The following FBXO28 variants were observed in gnomAD, a reference collection of about 807,000 sequenced individuals.
FBXO28 encodes F-box only protein 28.
In FBXO28, 8 loss-of-function variants were observed where a neutral mutation model predicts 38.1. That is an observed-to-expected ratio of 0.21 (90% confidence interval 0.12 to 0.38). The LOEUF (loss-of-function observed/expected upper bound fraction) is 0.38. Among genes scored for constraint, FBXO28 ranks in the 10% least tolerant of loss-of-function variants. The pLI, the probability that FBXO28 is intolerant of heterozygous loss-of-function variation, is 1.00. For synonymous variants in FBXO28, 168 were observed against 173.8 expected, an observed-to-expected ratio of 0.97 and a Z score of 0.26; for missense variants, 345 against 460.6, an observed-to-expected ratio of 0.75 and a Z score of 2.30.
Position 224,158,229 on chromosome 1 carries a change from G to A in FBXO28, c.*483G>A. 3 of 986,572 alleles carry A rather than the reference G, an allele frequency of 3.0e-6. No individual in the cohort carries two copies. The highest frequency in any genetic ancestry group is 3.6e-6 in the Non-Finnish European group (3 of 830,592). The allele number at this position is 986,572 out of a possible 1,614,324, so 61.1% of individuals were successfully genotyped here. The stretch of plus-strand genomic sequence containing the variant: ...GACCTTTGTCTGGAATGTCTGAAAA[G>A]TAGTTAATGCTTTTTGGTATTGAAG... On this transcript the variant is annotated 3_prime_UTR_variant, in exon 5 of 5. Transcript: ENST00000366862.
intron 1 of FBXO28, among the ~76,000 whole-genome samples, chr1:224,117,278 C>T (rs1656663895): frequency 6.7e-6 from 1 of 148,454 alleles, no homozygotes. Context: ...AGCGATTCTC[C>T]TGTCTCAGCT....
intron 3 of FBXO28, among the ~76,000 whole-genome samples, chr1:224,142,400 A>G (rs1211345080): frequency 1.3e-5 from 2 of 151,912 alleles, no homozygotes; most frequent in African/African-American, 2.4e-5. Flanking sequence ...CCTGTAATCA[A>G]TCCCAACACC....
intron 2 of FBXO28, among the ~76,000 whole-genome samples, chr1:224,132,007 T>C (rs892642419): frequency 6.6e-5 from 10 of 152,056 alleles, no homozygotes; most frequent in Non-Finnish European, 1.3e-4. Context: ...AATCCCAGCA[T>C]GTTGGGGGAC....
chr1:224,157,861 A>G lies in FBXO28; in HGVS notation c.*115A>G. ...CCTTAAGCTTCTAGGCTTTCAGAAC[A>G]CAACTTAAACTTGAACTCTTATGGT... On this transcript the variant is annotated 3_prime_UTR_variant, in exon 5 of 5. Coordinates refer to ENST00000366862, the MANE Select transcript of FBXO28 (RefSeq NM_015176.4). 1 of 1,448,606 alleles carries G rather than the reference A, an allele frequency of 6.9e-7. No homozygotes were observed. The highest frequency in any genetic ancestry group is 9.0e-7 in the Non-Finnish European group (1 of 1,105,304). The allele number at this position is 1,448,606 out of a possible 1,614,324, so 89.7% of individuals were successfully genotyped here.
At chr1:224,133,669 C>A (rs1395043252) in intron 2 of FBXO28, among the ~76,000 whole-genome samples, 2 of 151,998 alleles carry the variant, frequency 1.3e-5, no homozygotes, top group South Asian at 4.1e-4. Flanking sequence ...AGGCATGCAC[C>A]ATCACGCCTG....
At chr1:224,157,000 T>TTAA (rs1351037407) in intron 4 of FBXO28, among the ~76,000 whole-genome samples, 1 of 21,084 alleles carries the variant, frequency 4.7e-5, no homozygotes. Context: ...AGACTCTGTC[T>TTAA]CAAAAAAAAA....
intron 3 of FBXO28, among the ~76,000 whole-genome samples, chr1:224,145,404 G>C (rs1046723245): frequency 7.3e-5 from 11 of 150,852 alleles, no homozygotes; most frequent in Admixed American, 2.0e-4. Flanking sequence ...ATATTAATTA[G>C]CCTATGATAA....
At chr1:224,148,919 G>C (rs1055224609) in intron 3 of FBXO28, among the ~76,000 whole-genome samples, 2 of 151,896 alleles carry the variant, frequency 1.3e-5, no homozygotes, top group African/African-American at 4.8e-5. Flanking sequence ...TCTCTACTCT[G>C]TTTTCACACA....
chr1:224,141,745 A>G (rs1007940415), intron 3 of FBXO28, among the ~76,000 whole-genome samples: 21 of 152,214 alleles, frequency 1.4e-4, no homozygotes, highest in Non-Finnish European at 2.4e-4. Flanking sequence ...AAAGTAGGGT[A>G]TAAAAAAATG....
intron 4 of FBXO28, 50 bp downstream of exon 4, chr1:224,153,387 C>T (rs375893478): frequency 2.5e-4 from 354 of 1,401,560 alleles, no homozygotes; most frequent in Non-Finnish European, 3.2e-4. Flanking sequence ...AACTTGCTTC[C>T]GGTTTTTTTC....
chr1:224,152,571 C>T (rs1269747722), intron 3 of FBXO28, among the ~76,000 whole-genome samples: 1 of 152,128 alleles, frequency 6.6e-6, no homozygotes, highest in Non-Finnish European at 1.5e-5. Flanking sequence ...TTATTTTATT[C>T]ATCCTGATTC....
At chr1:224,150,737 C>T (rs1300512138) in intron 3 of FBXO28, among the ~76,000 whole-genome samples, 2 of 152,152 alleles carry the variant, frequency 1.3e-5, no homozygotes, top group African/African-American at 2.4e-5. Flanking sequence ...ATCCTTCAGT[C>T]TTACCTTACA....
intron 1 of FBXO28, among the ~76,000 whole-genome samples, chr1:224,117,592 C>G (rs995716417): frequency 3.3e-5 from 5 of 152,072 alleles, no homozygotes; most frequent in African/African-American, 1.2e-4. Flanking sequence ...AAAACATGTA[C>G]TTTGAGTTGT....
At chr1:224,119,532 TGGG>T (rs1163080853) in intron 1 of FBXO28, among the ~76,000 whole-genome samples, 2 of 152,088 alleles carry the variant, frequency 1.3e-5, no homozygotes, top group African/African-American at 4.8e-5. Context: ...TATAATCTCT[TGGG>T]GGCAGTTCGT....
At chr1:224,131,982 G>C (rs1003810580) in intron 2 of FBXO28, among the ~76,000 whole-genome samples, 5 of 152,212 alleles carry the variant, frequency 3.3e-5, no homozygotes, top group African/African-American at 1.2e-4. Flanking sequence ...GCCAGGTGCA[G>C]TGGCTCACAC....
chr1:224,114,317 C>A lies in FBXO28; in HGVS notation c.188C>A (p.Thr63Lys). ...LAPDQLPQNN[T>K]LVALPIVAIE... Reference sequence around the variant, plus strand: ...CCGGACCAGCTGCCTCAAAACAACACGCTTGTGGCGCTGCCCATCGTAGCC... The same window carrying A: ...CCGGACCAGCTGCCTCAAAACAACAAGCTTGTGGCGCTGCCCATCGTAGCC... Residue 63 changes from threonine (T) to lysine (K), a missense_variant, in exon 1 of 5, where the codon ACG becomes AAG. Thr to Lys is a moderately conservative substitution (Grantham distance 78). Around this residue, in one of 6 missense-constraint regions of FBXO28, gnomAD observed 56 missense variants for 99.8 expected, o/e 0.56. Transcript: ENST00000366862. 6.3e-7 allele frequency: 1 copy of A among 1,579,678 alleles called. No homozygotes were observed. The highest frequency in any genetic ancestry group is 8.6e-7 in the Non-Finnish European group (1 of 1,162,598).
Position 224,161,426 on chromosome 1 carries a change from A to G in FBXO28, c.*3680A>G, listed in dbSNP as rs552263685. On this transcript the variant is annotated 3_prime_UTR_variant, in exon 5 of 5. Coordinates refer to ENST00000366862, the MANE Select transcript of FBXO28 (RefSeq NM_015176.4). ...GTCCTATACGATGCAGTTGTTTGGA[A>G]ATGGCTGATTTCTGATATGAAACCC... The G allele has an allele frequency of 4.6e-5, 7 of 152,328 alleles. No individual in the cohort carries two copies. The South Asian group carries it at 1.4e-3, about 32-fold the overall frequency. The allele number at this position is 152,328 out of a possible 1,614,324, so 9.4% of individuals were successfully genotyped here.
At chr1:224,136,101 G>GT (rs397982996) in intron 3 of FBXO28, among the ~76,000 whole-genome samples, 2 of 75,114 alleles carry the variant, frequency 2.7e-5, no homozygotes, top group Admixed American at 2.3e-4. Context: ...GTTGACTTCA[G>GT]TTTTTTTTTT....
chr1:224,147,165 C>A (rs1572022910), intron 3 of FBXO28, among the ~76,000 whole-genome samples: 2 of 151,414 alleles, frequency 1.3e-5, no homozygotes, highest in East Asian at 3.9e-4. Context: ...TGGCTCACGC[C>A]TATAATCCCA....
Sources: allele counts gnomAD v4.1 joint callset (sites outside exome capture counted in the v4.1 genomes callset), GRCh38; gene constraint gnomAD v4.1.1; regional missense constraint gnomAD v4.1.1; transcripts MANE v1.5; gene names NCBI Gene and HGNC (gene_info 2026-07-23, HGNC 2026-07-21).